Variants in SPTLC3 observed in about 807,000 individuals in gnomAD.
SPTLC3 encodes serine palmitoyltransferase 3.
In SPTLC3, 36 loss-of-function variants were observed where a neutral mutation model predicts 59.3. That is an observed-to-expected ratio of 0.61 (90% CI 0.47 to 0.80). The LOEUF (loss-of-function observed/expected upper bound fraction) is 0.80, where lower values mean the gene tolerates loss of function less well. SPTLC3 is among the 30% of genes least tolerant of loss of function. The pLI, the probability that SPTLC3 is intolerant of heterozygous loss-of-function variation, is 0.00. For missense variants in SPTLC3, 625 were observed against 685.1 expected, an observed-to-expected ratio of 0.91 and a Z score of 0.98; for synonymous variants, 257 against 240.8, an observed-to-expected ratio of 1.07 and a Z score of -0.62.
intron 8 of SPTLC3, among the ~76,000 whole-genome samples, chr20:13,123,918 C>T (rs1258002309): frequency 6.6e-6 from 1 of 152,108 alleles, no homozygotes; most frequent in African/African-American, 2.4e-5. Context: ...TAGAGAAAGG[C>T]AATCCCTGCT....
chr20:13,050,398 A>G (rs1987433674), intron 2 of SPTLC3: 2 of 152,202 alleles, frequency 1.3e-5, no homozygotes, highest in Admixed American at 1.3e-4. Flanking sequence ...AAAAATAATA[A>G]GAAAATATGA....
intron 9 of SPTLC3, among the ~76,000 whole-genome samples, chr20:13,145,453 G>T (rs941071342): frequency 6.6e-6 from 1 of 152,060 alleles, no homozygotes; most frequent in African/African-American, 2.4e-5. Flanking sequence ...TCTCTACAAT[G>T]AAAATTACAA....
At chr20:13,156,735 A>T (rs1161454025) in intron 10 of SPTLC3, among the ~76,000 whole-genome samples, 1 of 152,236 alleles carries the variant, frequency 6.6e-6, no homozygotes, top group Non-Finnish European at 1.5e-5. Context: ...TTAATATAGT[A>T]GTTGGCATGC....
intron 1 of SPTLC3, among the ~76,000 whole-genome samples, chr20:13,035,508 A>T (rs566346700): frequency 5.0e-4 from 76 of 152,308 alleles, no homozygotes; most frequent in Non-Finnish European, 9.7e-4. Flanking sequence ...GAGGTCAATG[A>T]TTAATTACAC....
At chr20:13,061,828 G>A (rs920272498) in intron 2 of SPTLC3, among the ~76,000 whole-genome samples, 4 of 152,084 alleles carry the variant, frequency 2.6e-5, no homozygotes, top group African/African-American at 9.7e-5. Context: ...GAACCCAACA[G>A]TCTCTTCTCC....
At chr20:13,040,186 A>G (rs969933363) in intron 1 of SPTLC3, among the ~76,000 whole-genome samples, 1 of 152,048 alleles carries the variant, frequency 6.6e-6, no homozygotes, top group Non-Finnish European at 1.5e-5. Context: ...TCTAATTGCC[A>G]TGTTGTATAA....
intron 10 of SPTLC3, among the ~76,000 whole-genome samples, chr20:13,157,596 G>A (rs2122980507): frequency 6.6e-6 from 1 of 151,904 alleles, no homozygotes. Flanking sequence ...TCTCATTAAA[G>A]CAACACAGAG....
At chr20:13,022,292 T>C (rs930287620) in intron 1 of SPTLC3, among the ~76,000 whole-genome samples, 3 of 152,186 alleles carry the variant, frequency 2.0e-5, no homozygotes, top group African/African-American at 7.2e-5. Context: ...AGCAACTCCC[T>C]GGTCTTAGCC....
intron 7 of SPTLC3, among the ~76,000 whole-genome samples, chr20:13,111,472 C>T (rs548034117): frequency 6.6e-5 from 10 of 152,318 alleles, no homozygotes; most frequent in Middle Eastern, 3.4e-3. Context: ...CATGGGACAG[C>T]CCCTACAACA....
chr20:13,103,462 C>G (rs1989696731), intron 6 of SPTLC3, among the ~76,000 whole-genome samples: 2 of 152,212 alleles, frequency 1.3e-5, no homozygotes, highest in Admixed American at 1.3e-4. Flanking sequence ...TAAAAAGTGA[C>G]ATTCATTCAT....
chr20:13,128,947 G>T (rs1235084625), intron 9 of SPTLC3, among the ~76,000 whole-genome samples: 1 of 149,142 alleles, frequency 6.7e-6, no homozygotes, highest in East Asian at 2.0e-4. Flanking sequence ...TGCGATCTCA[G>T]CTCACTGCAA....
At chr20:13,063,889 C>CA (rs980977102) in intron 2 of SPTLC3, among the ~76,000 whole-genome samples, 5 of 152,022 alleles carry the variant, frequency 3.3e-5, no homozygotes, top group African/African-American at 1.2e-4. Flanking sequence ...CTCCTGGCCT[C>CA]AAGTGATACG....
intron 10 of SPTLC3, 81 bp from the exon 11 acceptor site, chr20:13,159,921 GC>G: frequency 7.0e-7 from 1 of 1,438,098 alleles, no homozygotes; most frequent in Non-Finnish European, 9.2e-7. Flanking sequence ...AAATCAATTA[GC>G]CATATTCCTT....
chr20:13,148,716 C>A (rs144777248), intron 9 of SPTLC3, among the ~76,000 whole-genome samples: 142 of 152,310 alleles, frequency 9.3e-4, no homozygotes, highest in African/African-American at 3.3e-3. Flanking sequence ...GTCTGCTTGG[C>A]TGAACCTTGT....
At chr20:13,035,327 T>C (rs17226320) in intron 1 of SPTLC3, among the ~76,000 whole-genome samples, 17 of 152,262 alleles carry the variant, frequency 1.1e-4, no homozygotes, top group African/African-American at 4.1e-4. Context: ...CTATAAGTTG[T>C]CCTACATATT....
chr20:13,104,762 T>C (rs191488704), intron 6 of SPTLC3, among the ~76,000 whole-genome samples: 64 of 152,336 alleles, frequency 4.2e-4, no homozygotes, highest in African/African-American at 1.1e-3. Context: ...ACCGTGTGTG[T>C]GTGCCTAGAT....
In SPTLC3 at chr20:13,167,066, T is replaced by C. The variant is rs186552959; in HGVS notation, c.*2199T>C. The C allele has an allele frequency of 6.6e-6, 1 of 152,294 alleles. No homozygotes were observed. The highest frequency in any genetic ancestry group is 2.1e-4 in the South Asian group (1 of 4,814). 9.4% of individuals were successfully genotyped at this position (152,294 alleles called of 1,614,324 possible). On this transcript the variant is annotated 3_prime_UTR_variant, in exon 12 of 12. Coordinates refer to ENST00000399002, the MANE Select transcript of SPTLC3 (RefSeq NM_018327.4). Reference sequence around the variant, plus strand: ...ACAGGTATGAGAACAACTGTTGATATACAGGTATAATCCAAGTAGAATGCT... The same window carrying C: ...ACAGGTATGAGAACAACTGTTGATACACAGGTATAATCCAAGTAGAATGCT...
intron 1 of SPTLC3, among the ~76,000 whole-genome samples, chr20:13,025,267 C>A (rs998486268): frequency 1.3e-5 from 2 of 152,144 alleles, no homozygotes; most frequent in Non-Finnish European, 2.9e-5. Context: ...TTGAAGAAAT[C>A]AGATGATCAC....
chr20:13,134,659 C>T (rs1166416758), intron 9 of SPTLC3, among the ~76,000 whole-genome samples: 1 of 152,068 alleles, frequency 6.6e-6, no homozygotes, highest in African/African-American at 2.4e-5. Context: ...AATTTGATAA[C>T]CATGTTTCTA....
Sources: allele counts gnomAD v4.1 joint callset (sites outside exome capture counted in the v4.1 genomes callset), GRCh38; gene constraint gnomAD v4.1.1; transcripts MANE v1.5; gene names NCBI Gene and HGNC (gene_info 2026-07-23, HGNC 2026-07-21).